DNAJA3: variants seen among roughly 807,000 people sequenced by gnomAD.
The protein encoded by DNAJA3 is DnaJ heat shock protein family (Hsp40) member A3.
Under a neutral mutation model 54.9 loss-of-function variants are expected in DNAJA3, and 29 were observed. The ratio of observed to expected loss-of-function variants is 0.53; its 90% CI spans 0.39 to 0.72. The LOEUF (loss-of-function observed/expected upper bound fraction) is 0.72. DNAJA3 is among the 30% of genes least tolerant of loss of function. The pLI is 0.00. For missense variants in DNAJA3, 708 were observed against 639.4 expected (o/e 1.11, Z -1.16); for synonymous variants, 302 against 251.4 (o/e 1.20, Z -1.90).
At chr16:4,428,738 CAGAT>C (rs1450653325) in intron 1 of DNAJA3, among the ~76,000 whole-genome samples, 2 of 152,118 alleles carry the variant, frequency 1.3e-5, no homozygotes, top group African/African-American at 4.8e-5. Context: ...GCTGTTTTCA[CAGAT>C]AGAGTCATCA....
intron 7 of DNAJA3, among the ~76,000 whole-genome samples, chr16:4,446,595 C>G (rs183416162): frequency 1.3e-5 from 2 of 152,002 alleles, no homozygotes; most frequent in African/African-American, 4.8e-5. Flanking sequence ...TTTTTGTTTC[C>G]CTTCACGATT....
chr16:4,443,006 G>A lies in DNAJA3; in HGVS notation c.784-11G>A. 1.9e-6 allele frequency: 3 copies of A among 1,610,922 alleles called. No homozygotes were observed. The highest frequency in any genetic ancestry group is 1.1e-5 in the South Asian group (1 of 90,698). ...GCGTACTTAGGTTACCATTTTTCTT[G>A]TTTTTATCAGGAAACCATCAACACA... On this transcript the variant is annotated splice_polypyrimidine_tract_variant and intron_variant, in intron 5 of 11. Coordinates refer to ENST00000262375, the MANE Select transcript of DNAJA3 (RefSeq NM_005147.6).
In DNAJA3 at chr16:4,442,375, C is replaced by T. The variant is rs376405085; in HGVS notation, c.738C>T (p.Pro246=). 8.6e-5 allele frequency: 138 copies of T among 1,609,318 alleles called. No homozygotes were observed. The highest frequency in any genetic ancestry group is 1.1e-4 in the Non-Finnish European group (129 of 1,177,766). Residue 246 remains proline, a synonymous_variant, in exon 5 of 12, where the codon CCC becomes CCT. Coordinates refer to ENST00000262375, the MANE Select transcript of DNAJA3 (RefSeq NM_005147.6). ...CERCNGKGNE[P]GTKVQHCHYC... The stretch of plus-strand genomic sequence containing the variant: ...GCTGCAACGGCAAGGGGAACGAGCC[C>T]GGCACCAAGGTGCAGCATTGCCACT...
At position 4,425,999 on chromosome 16, in the gene DNAJA3, A is replaced by G; in HGVS notation, c.118A>G (p.Ser40Gly). The G allele has an allele frequency of 6.2e-7, 1 of 1,603,428 alleles. No homozygotes were observed. The change falls in exon 1 of 12, where the codon AGC (serine) becomes GGC (glycine). Residue 40 changes from serine (S) to glycine (G), a missense_variant. Ser to Gly is a moderately conservative substitution (Grantham distance 56, BLOSUM62 0). Coordinates refer to ENST00000262375, the MANE Select transcript of DNAJA3 (RefSeq NM_005147.6). ...PREGVVGAWL[S>G]RKLSVPAFAS... ...GGAGGGCGTGGTGGGGGCATGGCTG[A>G]GCCGCAAGCTGAGCGTCCCCGCCTT...
In DNAJA3 at chr16:4,426,004, C is replaced by G; in HGVS notation, c.123C>G (p.Arg41=). ...GCGTGGTGGGGGCATGGCTGAGCCG[C>G]AAGCTGAGCGTCCCCGCCTTTGCGT... ...REGVVGAWLS[R]KLSVPAFASS... Residue 41 remains arginine, a synonymous_variant, in exon 1 of 12, where the codon CGC becomes CGG. Transcript: ENST00000262375. 1.2e-6 allele frequency: 2 copies of G among 1,605,224 alleles called. No homozygotes were observed. Among genetic ancestry groups the G allele is most frequent in the South Asian group, 2.2e-5 (2 of 89,822 alleles).
intron 10 of DNAJA3, among the ~76,000 whole-genome samples, chr16:4,453,728 G>C (rs151303064): frequency 6.6e-6 from 1 of 152,138 alleles, no homozygotes; most frequent in Non-Finnish European, 1.5e-5. Context: ...CACTGTGCCC[G>C]GCCTTTTCTT....
intron 5 of DNAJA3, chr16:4,442,732 G>T: frequency 3.6e-6 from 2 of 554,654 alleles, no homozygotes; most frequent in South Asian, 5.2e-5. Flanking sequence ...TAAATGTACT[G>T]TTCAGCTCCC....
chr16:4,454,521 T>TA (rs1373571661), intron 10 of DNAJA3, among the ~76,000 whole-genome samples: 1 of 152,268 alleles, frequency 6.6e-6, no homozygotes, highest in Non-Finnish European at 1.5e-5. Context: ...GTTGCTCAGA[T>TA]AGAGACAGCT....
At chr16:4,434,566 G>C (rs757280127) in intron 2 of DNAJA3, 49 bp downstream of exon 2, 1 of 1,596,176 alleles carries the variant, frequency 6.3e-7, no homozygotes, top group South Asian at 1.1e-5. Context: ...TAGGAATGTT[G>C]TTGATCCCAT....
intron 1 of DNAJA3, 122 bp from the exon 2 acceptor site, chr16:4,434,262 C>T: frequency 8.8e-7 from 1 of 1,140,150 alleles, no homozygotes; most frequent in Non-Finnish European, 1.2e-6. Context: ...TGGGTGGGGA[C>T]ACAGCCAAAC....
intron 7 of DNAJA3, 86 bp from the exon 8 acceptor site, chr16:4,446,800 C>G (rs1204800694): frequency 6.4e-7 from 1 of 1,551,194 alleles, no homozygotes; most frequent in African/African-American, 1.4e-5. Context: ...TTTGTCAGGT[C>G]TGAGCTTGGG....
At chr16:4,441,644 AG>A in intron 4 of DNAJA3, 69 bp downstream of exon 4, 1 of 1,521,510 alleles carries the variant, frequency 6.6e-7, no homozygotes, top group Non-Finnish European at 9.0e-7. Flanking sequence ...TTTTTTTATC[AG>A]TTTCTGTTTC....
chr16:4,455,957 T>G lies in DNAJA3; in HGVS notation c.*425T>G, dbSNP rs1361187509. On this transcript the variant is annotated 3_prime_UTR_variant, in exon 12 of 12. Coordinates refer to ENST00000262375, the MANE Select transcript of DNAJA3 (RefSeq NM_005147.6). ...TGATTAATTTCCTTCTCAGCAAACC[T>G]CCGGGAGGTTCCAGAATGAGTTCTT... 4.3e-6 allele frequency: 1 copy of G among 234,204 alleles called. No individual in the cohort carries two copies. Among genetic ancestry groups the G allele is most frequent in the East Asian group, 9.0e-5 (1 of 11,124 alleles). 14.5% of individuals were successfully genotyped at this position (234,204 alleles called of 1,614,324 possible).
intron 4 of DNAJA3, among the ~76,000 whole-genome samples, chr16:4,441,976 G>T (rs74005323): frequency 6.6e-6 from 1 of 152,184 alleles, no homozygotes; most frequent in African/African-American, 2.4e-5. Flanking sequence ...TATGATTGTG[G>T]ATCATTCAGG....
chr16:4,437,526 A>G (rs761540255), intron 3 of DNAJA3, 41 bp downstream of exon 3: 20 of 1,552,554 alleles, frequency 1.3e-5, no homozygotes, highest in Non-Finnish European at 1.7e-5. Context: ...CTGTTCAGCT[A>G]TGTGTATGAA....
chr16:4,453,932 G>T (rs2057006012), intron 10 of DNAJA3, among the ~76,000 whole-genome samples: 1 of 152,186 alleles, frequency 6.6e-6, no homozygotes, highest in Non-Finnish European at 1.5e-5. Flanking sequence ...AACATGCCAA[G>T]TTCAGGTCTA....
At chr16:4,449,017 G>C (rs2056942858) in intron 9 of DNAJA3, among the ~76,000 whole-genome samples, 169 bp downstream of exon 9, 2 of 151,970 alleles carry the variant, frequency 1.3e-5, no homozygotes. Flanking sequence ...TTTTTTTTGA[G>C]ATGGAGTCTC....
At chr16:4,429,443 C>T (rs948738587) in intron 1 of DNAJA3, among the ~76,000 whole-genome samples, 2 of 150,596 alleles carry the variant, frequency 1.3e-5, no homozygotes, top group South Asian at 2.1e-4. Flanking sequence ...AGGATGGTCT[C>T]GATCTCTTTA....
chr16:4,434,434 C>G lies in DNAJA3; in HGVS notation c.262C>G (p.Pro88Ala), dbSNP rs186046750. Reference protein sequence around the residue: ...ICTASFHTSAPLAKEDYYQIL... With the variant: ...ICTASFHTSAALAKEDYYQIL... ...TACTGCCTCCTTCCACACGAGTGCC[C>G]CTTTGGCCAAAGAAGATTATTATCA... The change falls in exon 2 of 12, where the codon CCT (proline) becomes GCT (alanine). Residue 88 changes from proline (P) to alanine (A), a missense_variant. Coordinates refer to ENST00000262375, the MANE Select transcript of DNAJA3 (RefSeq NM_005147.6). The G allele has an allele frequency of 1.3e-4, 212 of 1,613,904 alleles. No homozygotes were observed. The East Asian group carries it at 3.9e-3, about 30-fold the overall frequency.
Sources: allele counts gnomAD v4.1 joint callset (sites outside exome capture counted in the v4.1 genomes callset), GRCh38; gene constraint gnomAD v4.1.1; transcripts MANE v1.5; gene names NCBI Gene and HGNC (gene_info 2026-07-23, HGNC 2026-07-21).